Variants in GPHN observed in about 807,000 individuals in gnomAD.
GPHN encodes gephyrin.
Under a neutral mutation model 95.5 loss-of-function variants are expected in GPHN, and 17 were observed. That is an observed-to-expected ratio of 0.18 (90% CI 0.12 to 0.27). The LOEUF is 0.27. GPHN is among the 10% of genes least tolerant of loss of function. The probability of loss-of-function intolerance (pLI) is 1.00; values close to 1 mark genes in which losing one functional copy is unlikely to be tolerated. For missense variants in GPHN, 660 were observed against 978.1 expected (o/e 0.67, Z 4.34); for synonymous variants, 320 against 322.5 (o/e 0.99, Z 0.08).
chr14:67,277,287 G>T, the GPHN span, among the ~76,000 whole-genome samples: 5 of 152,110 alleles, frequency 3.3e-5, no homozygotes, highest in Admixed American at 2.6e-4. Context: ...ATGAAAGACA[G>T]AAAAATCTAC....
At chr14:67,527,620 T>C in the GPHN span, among the ~76,000 whole-genome samples, 2 of 152,218 alleles carry the variant, frequency 1.3e-5, no homozygotes, top group Admixed American at 1.3e-4. Flanking sequence ...GTTGCTTCTA[T>C]TCCCATTCAG....
chr14:67,066,681 T>A (rs1414375152), intron 11 of GPHN, among the ~76,000 whole-genome samples: 1 of 152,246 alleles, frequency 6.6e-6, no homozygotes, highest in East Asian at 1.9e-4. Flanking sequence ...ATTAATTTGA[T>A]CTTCAATCAC....
intron 13 of GPHN, among the ~76,000 whole-genome samples, chr14:67,109,134 A>C (rs766958816): frequency 2.6e-5 from 4 of 152,240 alleles, no homozygotes; most frequent in Non-Finnish European, 5.9e-5. Context: ...TTATCAAAAC[A>C]AAAAGTACAG....
chr14:67,173,727 C>A (rs955121458), intron 21 of GPHN, among the ~76,000 whole-genome samples: 4 of 152,010 alleles, frequency 2.6e-5, no homozygotes, highest in African/African-American at 9.7e-5. Context: ...AAATCAATGA[C>A]CTGCTGGAAA....
chr14:67,065,002 C>G (rs1300746774), intron 11 of GPHN, among the ~76,000 whole-genome samples: 1 of 152,070 alleles, frequency 6.6e-6, no homozygotes, highest in African/African-American at 2.4e-5. Context: ...TCTTGCTTCT[C>G]TAGTTCTTTT....
At chr14:66,822,278 T>C (rs2061225291) in intron 3 of GPHN, among the ~76,000 whole-genome samples, 1 of 152,236 alleles carries the variant, frequency 6.6e-6, no homozygotes, top group Admixed American at 6.5e-5. Context: ...TGAAATCTTT[T>C]TGGGCCTACC....
chr14:67,229,662 G>T, the GPHN span, among the ~76,000 whole-genome samples: 8 of 152,172 alleles, frequency 5.3e-5, no homozygotes, highest in Non-Finnish European at 1.0e-4. Flanking sequence ...GAGAAAAAAA[G>T]AATGTAAAAT....
At chr14:66,906,799 A>G (rs1182748734) in intron 5 of GPHN, among the ~76,000 whole-genome samples, 3 of 152,092 alleles carry the variant, frequency 2.0e-5, no homozygotes, top group Admixed American at 6.5e-5. Flanking sequence ...TCTTTCTGTT[A>G]CTGATTTCAA....
intron 5 of GPHN, among the ~76,000 whole-genome samples, chr14:66,895,541 G>T (rs370262126): frequency 6.6e-6 from 1 of 152,038 alleles, no homozygotes; most frequent in Admixed American, 6.6e-5. Flanking sequence ...ATAAAAAATG[G>T]AAATAATATT....
At chr14:67,335,741 A>ACT in the GPHN span, 15,393 of 152,648 alleles carry the variant, frequency 0.1, 1,202 homozygotes, top group African/African-American at 0.22. Context: ...CTGTATCTGC[A>ACT]CTGTTATTTT....
the GPHN span, among the ~76,000 whole-genome samples, chr14:67,544,797 A>G: frequency 2.6e-5 from 4 of 152,246 alleles, no homozygotes; most frequent in Non-Finnish European, 5.9e-5. Context: ...ATGGACAGGA[A>G]GACAGACCTA....
At chr14:66,733,580 T>C (rs56289007) in intron 2 of GPHN, among the ~76,000 whole-genome samples, 8,942 of 152,298 alleles carry the variant, frequency 0.059, 361 homozygotes, top group Middle Eastern at 0.099. Flanking sequence ...ATAGATCTAC[T>C]GATTATCCAC....
At chr14:67,390,188 G>A in the GPHN span, among the ~76,000 whole-genome samples, 4 of 152,244 alleles carry the variant, frequency 2.6e-5, 1 homozygote, top group South Asian at 8.3e-4. Flanking sequence ...TGCCATCAAA[G>A]TTTTTTAAAA....
At chr14:66,510,895 C>T (rs1014496247) in intron 1 of GPHN, among the ~76,000 whole-genome samples, 1 of 152,028 alleles carries the variant, frequency 6.6e-6, no homozygotes, top group African/African-American at 2.4e-5. Flanking sequence ...GAAGCCGTCT[C>T]ATGAGAATGA....
intron 2 of GPHN, among the ~76,000 whole-genome samples, chr14:66,763,396 C>T (rs1373466423): frequency 5.8e-5 from 7 of 120,868 alleles, no homozygotes; most frequent in Non-Finnish European, 1.0e-4. Context: ...CCCCCTCCCC[C>T]GACCCCACCA....
chr14:67,279,599 G>A, the GPHN span: 4 of 1,416,234 alleles, frequency 2.8e-6, no homozygotes, highest in Admixed American at 7.5e-5. Context: ...GCCTTATAAT[G>A]TATATGAGAA....
chr14:67,181,314 A>G lies in GPHN; in HGVS notation c.*377A>G. On this transcript the variant is annotated 3_prime_UTR_variant, in exon 23 of 23. Transcript: ENST00000478722. The stretch of plus-strand genomic sequence containing the variant: ...AAATCAAGGCTGTCTGCTTATTTAT[A>G]CTAGCGTAGGCAACACTTGGATTTC... 2.3e-6 allele frequency: 1 copy of G among 433,158 alleles called. No individual in the cohort carries two copies. Among genetic ancestry groups the G allele is most frequent in the South Asian group, 2.2e-5 (1 of 46,484 alleles). 26.8% of individuals were successfully genotyped at this position (433,158 alleles called of 1,614,324 possible). A position where few individuals can be genotyped will look rare whatever the true frequency, so the allele number is the denominator to read the frequency against.
chr14:66,541,510 G>A (rs762324709), intron 1 of GPHN, among the ~76,000 whole-genome samples: 2 of 152,100 alleles, frequency 1.3e-5, no homozygotes, highest in Non-Finnish European at 2.9e-5. Context: ...CTATGAAGAA[G>A]GTTAAGTTTA....
At chr14:66,816,572 T>C (rs1184424431) in intron 3 of GPHN, among the ~76,000 whole-genome samples, 1 of 152,018 alleles carries the variant, frequency 6.6e-6, no homozygotes, top group Non-Finnish European at 1.5e-5. Context: ...ATAATGAAAT[T>C]AAGGCAAAAA....
Sources: gnomAD v4.1 joint callset for allele counts (sites outside exome capture counted in the v4.1 genomes callset) on GRCh38, gnomAD v4.1.1 for gene constraint, MANE v1.5 for transcripts, NCBI Gene and HGNC (gene_info 2026-07-23, HGNC 2026-07-21) for gene names.